RBFOX1: variants seen among roughly 807,000 people sequenced by gnomAD.
RBFOX1 encodes RNA binding protein fox-1 homolog 1.
A neutral mutation model predicts 57.7 loss-of-function variants in RBFOX1; 8 were observed. That is an observed-to-expected ratio of 0.14 (90% CI 0.08 to 0.25). RBFOX1 has a LOEUF of 0.25. Among genes scored for constraint, RBFOX1 ranks in the 10% least tolerant of loss-of-function variants. The pLI is 1.00. For missense variants in RBFOX1, 611 were observed against 548.5 expected (o/e 1.11, Z -1.14); for synonymous variants, 326 against 222.4 (o/e 1.47, Z -4.15).
Position 5,843,199 on chromosome 16 carries a change from C to T in RBFOX1, c.319-24104C>T, listed in dbSNP as rs77649732. 2.5e-3 allele frequency among the ~76,000 whole-genome samples: 373 copies of T among 152,210 alleles called. 2 individuals are homozygous for T. The highest frequency in any genetic ancestry group is 8.3e-3 in the African/African-American group (346 of 41,536). On this transcript the variant is annotated intron_variant, in intron 3 of 19. Coordinates refer to the RBFOX1 transcript ENST00000641259. ...CAGGTTTATTATATAAGTAAACTCA[C>T]GTCTCAGGGGTTTGTTTTACAGATT...
intron 4 of RBFOX1, among the ~76,000 whole-genome samples, chr16:5,907,409 C>CT (rs34508518): frequency 1.3e-5 from 2 of 151,958 alleles, no homozygotes; most frequent in African/African-American, 4.8e-5. Flanking sequence ...AGTCATGCTG[C>CT]TTTTTTTCAG....
At chr16:6,922,266 G>C (rs1239561153) in intron 3 of RBFOX1, among the ~76,000 whole-genome samples, 1 of 152,074 alleles carries the variant, frequency 6.6e-6, no homozygotes, top group Non-Finnish European at 1.5e-5. Flanking sequence ...ATCCTACATT[G>C]ATATAAACTG....
At chr16:6,990,832 A>G (rs1157463729) in intron 3 of RBFOX1, among the ~76,000 whole-genome samples, 1 of 152,160 alleles carries the variant, frequency 6.6e-6, no homozygotes, top group Non-Finnish European at 1.5e-5. Context: ...GTGAGTGCTG[A>G]TAACAGAAAA....
Position 7,518,171 on chromosome 16 carries a change from C to T in RBFOX1, c.52C>T (p.Pro18Ser), listed in dbSNP as rs149974858. The T allele has an allele frequency of 1.9e-6, 3 of 1,613,298 alleles. No individual in the cohort carries two copies. The South Asian group carries it at 3.3e-5, about 18-fold the overall frequency. ...LRGNQEAAAA[P>S]DTMAQPYASA... ...GGGTAATCAGGAAGCAGCCGCTGCCCCTGACACAATGGCTCAGCCTTACGC... is the reference window on the plus strand; with the variant it reads ...GGGTAATCAGGAAGCAGCCGCTGCCTCTGACACAATGGCTCAGCCTTACGC... Residue 18 changes from proline (P) to serine (S), a missense_variant, in exon 5 of 16, where the codon CCT becomes TCT. Physicochemically the swap from Pro to Ser is moderately conservative, Grantham distance 74. Coordinates refer to ENST00000550418, the MANE Select transcript of RBFOX1 (RefSeq NM_018723.4).
At chr16:7,349,210 C>G (rs1019473870) in intron 4 of RBFOX1, among the ~76,000 whole-genome samples, 40 of 152,132 alleles carry the variant, frequency 2.6e-4, no homozygotes, top group African/African-American at 3.4e-4. Context: ...TCAGGCGGCT[C>G]AAGAGATCAA....
intron 1 of RBFOX1, among the ~76,000 whole-genome samples, chr16:6,267,609 G>A (rs1249262028): frequency 6.6e-6 from 1 of 152,158 alleles, no homozygotes; most frequent in African/African-American, 2.4e-5. Context: ...TGAAGGTATG[G>A]GTGGAAGACT....
At chr16:7,111,543 CT>C in intron 4 of RBFOX1, among the ~76,000 whole-genome samples, 1 of 152,202 alleles carries the variant, frequency 6.6e-6, no homozygotes, top group South Asian at 2.1e-4. Flanking sequence ...GAAAGAGATA[CT>C]GATTATATCA....
At chr16:7,157,770 G>C (rs1324521287) in intron 4 of RBFOX1, among the ~76,000 whole-genome samples, 1 of 152,110 alleles carries the variant, frequency 6.6e-6, no homozygotes, top group Admixed American at 6.6e-5. Flanking sequence ...ACAAAAATCA[G>C]ACTCTAGGCA....
chr16:5,465,863 C>A (rs2068936500), intron 1 of RBFOX1, among the ~76,000 whole-genome samples: 1 of 152,142 alleles, frequency 6.6e-6, no homozygotes, highest in Non-Finnish European at 1.5e-5. Flanking sequence ...CCAGAATGGC[C>A]AGATATGTTG....
At chr16:5,516,317 G>A (rs1026810733) in intron 2 of RBFOX1, among the ~76,000 whole-genome samples, 1 of 151,332 alleles carries the variant, frequency 6.6e-6, no homozygotes, top group African/African-American at 2.4e-5. Context: ...GTGTCCCATA[G>A]CTTCCTGTCT....
intron 1 of RBFOX1, among the ~76,000 whole-genome samples, chr16:6,058,586 C>G (rs1219022012): frequency 6.6e-6 from 1 of 152,038 alleles, no homozygotes; most frequent in African/African-American, 2.4e-5. Flanking sequence ...ATTCATCCAT[C>G]TATCTACCCA....
intron 4 of RBFOX1, among the ~76,000 whole-genome samples, chr16:7,333,836 G>C (rs1004422462): frequency 2.0e-5 from 3 of 151,948 alleles, no homozygotes; most frequent in African/African-American, 7.3e-5. Context: ...TATGTCTGAA[G>C]TTCTCCGTTG....
chr16:5,594,049 G>A (rs778720901), intron 2 of RBFOX1, among the ~76,000 whole-genome samples: 53 of 151,998 alleles, frequency 3.5e-4, no homozygotes, highest in Middle Eastern at 3.4e-3. Context: ...CCTTGGCTTG[G>A]AGCTTTGCAC....
intron 2 of RBFOX1, among the ~76,000 whole-genome samples, chr16:6,529,059 C>CA (rs566076481): frequency 2.0e-5 from 3 of 151,986 alleles, no homozygotes; most frequent in Admixed American, 6.6e-5. Flanking sequence ...GGTTAAAAAA[C>CA]AAAAAAACTT....
intron 4 of RBFOX1, among the ~76,000 whole-genome samples, chr16:7,339,718 G>A (rs185912502): frequency 9.6e-4 from 146 of 152,286 alleles, no homozygotes; most frequent in African/African-American, 3.4e-3. Context: ...GGGATTACAG[G>A]TGCAAGCCAC....
intron 3 of RBFOX1, among the ~76,000 whole-genome samples, chr16:5,724,598 G>C (rs569914672): frequency 6.6e-6 from 1 of 152,274 alleles, no homozygotes; most frequent in South Asian, 2.1e-4. Context: ...ATGAGGTTCA[G>C]AGAGCCTAAT....
intron 5 of RBFOX1, among the ~76,000 whole-genome samples, chr16:7,554,551 A>T (rs1262265288): frequency 1.3e-5 from 2 of 152,212 alleles, no homozygotes; most frequent in Non-Finnish European, 2.9e-5. Flanking sequence ...GCTTCCTATC[A>T]GAAATGTGGA....
intron 2 of RBFOX1, among the ~76,000 whole-genome samples, chr16:5,529,934 C>G (rs1244089318): frequency 6.6e-6 from 1 of 152,116 alleles, no homozygotes; most frequent in Non-Finnish European, 1.5e-5. Context: ...TGGAGTTATG[C>G]TGCCACAACT....
intron 1 of RBFOX1, among the ~76,000 whole-genome samples, chr16:6,203,851 C>T (rs1385696921): frequency 6.6e-6 from 1 of 152,158 alleles, no homozygotes; most frequent in Non-Finnish European, 1.5e-5. Context: ...ACTTCTGGGT[C>T]TGCTTCTTTC....
Sources: allele counts gnomAD v4.1 joint callset (sites outside exome capture counted in the v4.1 genomes callset), GRCh38; gene constraint gnomAD v4.1.1; transcripts MANE v1.5; gene names NCBI Gene and HGNC (gene_info 2026-07-23, HGNC 2026-07-21).